The following SFMBT2 variants were observed in gnomAD, a reference collection of about 807,000 sequenced individuals.
SFMBT2 encodes scm-like with four MBT domains protein 2.
SFMBT2 carries 38 observed loss-of-function variants against 110.1 expected under a neutral mutation model. That is an observed-to-expected ratio of 0.35 (90% confidence interval 0.27 to 0.45). The LOEUF (loss-of-function observed/expected upper bound fraction) is 0.45. Among genes scored for constraint, SFMBT2 ranks in the 20% least tolerant of loss-of-function variants. The pLI is 1.00. For missense variants in SFMBT2, 1,011 were observed against 1,094.9 expected (o/e 0.92, Z 1.08); for synonymous variants, 425 against 425.4 (o/e 1.00, Z 0.01).
At chr10:7,178,157 G>A (rs1042459802) in intron 16 of SFMBT2, among the ~76,000 whole-genome samples, 2 of 152,190 alleles carry the variant, frequency 1.3e-5, no homozygotes, top group South Asian at 4.1e-4. Flanking sequence ...GGGACCCCCG[G>A]ACTGCCTGCC....
intron 1 of SFMBT2, among the ~76,000 whole-genome samples, chr10:7,402,203 C>G (rs957997365): frequency 1.3e-5 from 2 of 151,788 alleles, no homozygotes; most frequent in Non-Finnish European, 2.9e-5. Context: ...CAAATGCTTC[C>G]TCTATAGTTG....
intron 11 of SFMBT2, among the ~76,000 whole-genome samples, chr10:7,214,013 C>A (rs1839446360): frequency 6.6e-6 from 1 of 151,918 alleles, no homozygotes; most frequent in South Asian, 2.1e-4. Flanking sequence ...GGGAAGTGAG[C>A]CAGCCCTGCC....
chr10:7,239,666 C>G (rs1409214787), intron 9 of SFMBT2, among the ~76,000 whole-genome samples: 1 of 152,054 alleles, frequency 6.6e-6, no homozygotes, highest in Non-Finnish European at 1.5e-5. Flanking sequence ...AAAATTATTC[C>G]CTAAAATTGT....
At chr10:7,385,642 A>C (rs1845572425) in intron 1 of SFMBT2, among the ~76,000 whole-genome samples, 1 of 152,230 alleles carries the variant, frequency 6.6e-6, no homozygotes, top group South Asian at 2.1e-4. Flanking sequence ...CAGGAGTACA[A>C]GCACGGAAAG....
At chr10:7,356,597 G>A (rs983488722) in intron 4 of SFMBT2, among the ~76,000 whole-genome samples, 16 of 152,222 alleles carry the variant, frequency 1.1e-4, no homozygotes, top group Admixed American at 7.2e-4. Context: ...ATTTTTAATA[G>A]AGACAGCATT....
intron 6 of SFMBT2, among the ~76,000 whole-genome samples, chr10:7,281,849 TTTTG>T (rs934545674): frequency 3.3e-5 from 5 of 152,294 alleles, no homozygotes; most frequent in Admixed American, 6.5e-5. Flanking sequence ...AGAATCTTTT[TTTTG>T]TTTGTTTGTT....
chr10:7,321,022 T>C (rs889179919), intron 4 of SFMBT2, among the ~76,000 whole-genome samples: 14 of 152,324 alleles, frequency 9.2e-5, no homozygotes, highest in African/African-American at 3.1e-4. Flanking sequence ...GGACCCAGCA[T>C]GTGTTATTTT....
intron 7 of SFMBT2, among the ~76,000 whole-genome samples, chr10:7,269,054 A>G (rs1841487568): frequency 6.6e-6 from 1 of 152,244 alleles, no homozygotes; most frequent in Non-Finnish European, 1.5e-5. Context: ...TTCAAGAAAA[A>G]AAAAGTCATT....
chr10:7,317,841 C>T (rs1366869373), intron 4 of SFMBT2, among the ~76,000 whole-genome samples: 1 of 152,024 alleles, frequency 6.6e-6, no homozygotes, highest in African/African-American at 2.4e-5. Context: ...CACAAAAACC[C>T]CTGGTGGGCG....
chr10:7,217,122 A>G (rs1291685999), intron 11 of SFMBT2, among the ~76,000 whole-genome samples: 1 of 152,248 alleles, frequency 6.6e-6, no homozygotes, highest in Non-Finnish European at 1.5e-5. Context: ...AGGTACTTGA[A>G]GTCATCAACT....
intron 2 of SFMBT2, among the ~76,000 whole-genome samples, chr10:7,376,171 C>T (rs551335459): frequency 6.6e-6 from 1 of 152,218 alleles, no homozygotes; most frequent in Admixed American, 6.5e-5. Context: ...GCTTTTATCA[C>T]AGCAACTGAC....
chr10:7,284,743 C>G (rs1842040421), intron 5 of SFMBT2: 1 of 217,390 alleles, frequency 4.6e-6, no homozygotes, highest in African/African-American at 2.3e-5. Context: ...TATTTCTACA[C>G]TTAAGCTGGT....
intron 4 of SFMBT2, among the ~76,000 whole-genome samples, chr10:7,322,985 G>C (rs1843243918): frequency 6.6e-6 from 1 of 152,124 alleles, no homozygotes; most frequent in Non-Finnish European, 1.5e-5. Flanking sequence ...TTTGTTAACA[G>C]TAAAAATGTG....
Position 7,221,523 on chromosome 10 carries a change from G to A in SFMBT2, c.1204-986C>T, listed in dbSNP as rs1001964970. Among the ~76,000 whole-genome samples the A allele has an allele frequency of 6.7e-4, 100 of 149,294 alleles. 1 individual carries two copies. Among genetic ancestry groups the A allele is most frequent in the African/African-American group, 2.4e-3 (96 of 40,436 alleles). On this transcript the variant is annotated intron_variant, in intron 10 of 20. Coordinates refer to ENST00000397167, the MANE Select transcript of SFMBT2 (RefSeq NM_001387889.1). ...AGAGGTTGCAGTGAGCTGAGATCTC[G>A]CCACTGCACTCCAGCCTGGGCGACA...
At chr10:7,362,764 A>G (rs1242343102) in intron 4 of SFMBT2, among the ~76,000 whole-genome samples, 1 of 152,212 alleles carries the variant, frequency 6.6e-6, no homozygotes, top group Admixed American at 6.5e-5. Flanking sequence ...ATGGGGGAAA[A>G]TTCTACCCAG....
chr10:7,353,057 G>A (rs1282256947), intron 4 of SFMBT2, among the ~76,000 whole-genome samples: 1 of 151,584 alleles, frequency 6.6e-6, no homozygotes, highest in Non-Finnish European at 1.5e-5. Context: ...AGTACACTGG[G>A]GGCCACCACA....
chr10:7,402,874 T>C (rs1846116201), intron 1 of SFMBT2, among the ~76,000 whole-genome samples: 1 of 152,226 alleles, frequency 6.6e-6, no homozygotes, highest in Admixed American at 6.5e-5. Flanking sequence ...CAACACTGTT[T>C]AGAAGGAAAA....
chr10:7,381,696 A>G, intron 2 of SFMBT2, 103 bp downstream of exon 2: 1 of 1,241,536 alleles, frequency 8.1e-7, no homozygotes, highest in East Asian at 2.4e-5. Flanking sequence ...ACCAGACAGT[A>G]TGTGAGATCT....
chr10:7,201,582 A>G (rs1828601249), intron 13 of SFMBT2, among the ~76,000 whole-genome samples: 1 of 152,148 alleles, frequency 6.6e-6, no homozygotes, highest in African/African-American at 2.4e-5. Flanking sequence ...TTCCAGTTCA[A>G]TTTCATCTTA....
Sources: allele counts gnomAD v4.1 joint callset (sites outside exome capture counted in the v4.1 genomes callset), GRCh38; gene constraint gnomAD v4.1.1; transcripts MANE v1.5; gene names NCBI Gene and HGNC (gene_info 2026-07-23, HGNC 2026-07-21).